The following HAUS7 variants were observed in gnomAD, a reference collection of about 807,000 sequenced individuals.
The protein encoded by HAUS7 is HAUS augmin like complex subunit 7.
HAUS7 carries 3 observed loss-of-function variants against 28.4 expected under a neutral mutation model. That is an observed-to-expected ratio of 0.11 (90% CI 0.05 to 0.27). The LOEUF (loss-of-function observed/expected upper bound fraction) is 0.27. Ranked by LOEUF, HAUS7 falls within the 10% of genes least tolerant of loss-of-function variation. The pLI is 1.00. For missense variants in HAUS7, 284 were observed against 297.3 expected, an observed-to-expected ratio of 0.96 and a Z score of 0.33; for synonymous variants, 165 against 132.1, an observed-to-expected ratio of 1.25 and a Z score of -1.71.
At chrX:153,474,334 G>A (rs1000481498), upstream of HAUS7, among the ~76,000 whole-genome samples, 3 of 111,814 alleles carry the variant, frequency 2.7e-5, no homozygotes, top group Non-Finnish European at 5.7e-5. Context: ...GCCCCATCCT[G>A]CCCCCAGGCC....
intron 2 of HAUS7, among the ~76,000 whole-genome samples, chrX:153,467,377 C>T (rs1273627027): frequency 9.0e-6 from 1 of 111,671 alleles, no homozygotes; most frequent in Non-Finnish European, 1.9e-5. Context: ...AATCTCAGCA[C>T]GTCGCTCCCC....
chrX:153,456,198 G>T, intron 7 of HAUS7, 67 bp downstream of exon 7: 1 of 850,704 alleles, frequency 1.2e-6, no homozygotes, highest in Non-Finnish European at 1.7e-6. Context: ...AGCCTCACGT[G>T]CTGAGGGAGG....
chrX:153,484,820 C>A (rs1460624198), intron 1 of HAUS7, among the ~76,000 whole-genome samples: 1 of 113,198 alleles, frequency 8.8e-6, no homozygotes, highest in African/African-American at 3.2e-5. Context: ...GCCAGTCAAG[C>A]CCCAGCTGCC....
rs782514399 is a variant in HAUS7 at position 153,455,782 on chromosome X, C to CAGA, written c.706-19_706-17dup. The CAGA allele has an allele frequency of 3.0e-5, 33 of 1,093,947 alleles. No individual in the cohort carries two copies. Among genetic ancestry groups the CAGA allele is most frequent in the Non-Finnish European group, 4.0e-5 (32 of 795,854 alleles). The allele number at this position is 1,093,947 out of a possible 1,213,427, so 90.2% of individuals were successfully genotyped here. ...GTGCAAAGTACTGCAAAGCCAGAGG[C>CAGA]AGAGTCCCTTGAGGCTGCCCTGCCC... On this transcript the variant is annotated splice_polypyrimidine_tract_variant and intron_variant, in intron 7 of 9. Coordinates refer to ENST00000370211, the MANE Select transcript of HAUS7 (RefSeq NM_001385482.1).
At chrX:153,450,016 G>A (rs145190270) in intron 9 of HAUS7, among the ~76,000 whole-genome samples, 1,123 of 112,110 alleles carry the variant, frequency 0.01, 15 homozygotes, top group African/African-American at 0.035. Context: ...GCTCATCCAG[G>A]GCTTCCTTCT....
rs782558825 is a variant in HAUS7 at position 153,455,715 on chromosome X, T to C, written c.757A>G (p.Thr253Ala). The C allele has an allele frequency of 8.3e-7, 1 of 1,202,673 alleles. No individual in the cohort carries two copies. Among genetic ancestry groups the C allele is most frequent in the Admixed American group, 2.2e-5 (1 of 45,909 alleles). The stretch of plus-strand genomic sequence containing the variant: ...ACCAGACGCAGCTTCTGGTCTAGGG[T>C]GCTGATGTCGGCTGCGCCCGCAGCA... ...GAAAGAADIS[T>A]LDQKLRLVTS... is the part of the protein sequence containing the mutation. Residue 253 changes from threonine to alanine, a missense_variant, in exon 8 of 10, where the codon ACC (threonine) becomes GCC (alanine). Thr to Ala is a moderately conservative substitution (Grantham distance 58). Coordinates refer to ENST00000370211, the MANE Select transcript of HAUS7 (RefSeq NM_001385482.1).
intron 2 of HAUS7, among the ~76,000 whole-genome samples, chrX:153,468,500 A>G: frequency 8.9e-6 from 1 of 112,394 alleles, no homozygotes; most frequent in Non-Finnish European, 1.9e-5. Context: ...TCACCAGGGG[A>G]AGGATGTCTG....
At chrX:153,450,316 C>G (rs1036383014) in intron 9 of HAUS7, among the ~76,000 whole-genome samples, 4 of 112,527 alleles carry the variant, frequency 3.6e-5, no homozygotes, top group African/African-American at 9.7e-5. Context: ...AGCTTGGGAG[C>G]TGGTTTGCTT....
At chrX:153,453,555 G>A (rs2089263805) in intron 9 of HAUS7, among the ~76,000 whole-genome samples, 1 of 108,421 alleles carries the variant, frequency 9.2e-6, no homozygotes, top group Admixed American at 9.8e-5. Flanking sequence ...TGGTATTAGT[G>A]CAGGGATAGC....
chrX:153,481,664 G>A (rs1556987336), intron 1 of HAUS7: 6 of 753,496 alleles, frequency 8.0e-6, no homozygotes, highest in Non-Finnish European at 9.4e-6. Flanking sequence ...TGGCCTCCTC[G>A]CCCCACACCC....
At position 153,459,706 on chromosome X, in the gene HAUS7, T is replaced by C. The variant is rs189863751; in HGVS notation, c.355-2478A>G. ...GGCACAAGATAAGGAAATACATATA[T>C]ATCCCTTAATGTAAAAATATATGCG... is the stretch of plus-strand genomic sequence containing the variant. On this transcript the variant is annotated intron_variant, in intron 4 of 9. Coordinates refer to ENST00000370211, the MANE Select transcript of HAUS7 (RefSeq NM_001385482.1). Among the ~76,000 whole-genome samples the C allele has an allele frequency of 3.7e-4, 42 of 112,296 alleles. 1 individual carries two copies. In the East Asian group the frequency reaches 0.011, roughly 30 times the overall value.
In HAUS7 at chrX:153,454,463, C is replaced by T. The variant is rs146845946; in HGVS notation, c.976G>A (p.Val326Met). Residue 326 changes from valine (V) to methionine (M), a missense_variant, in exon 9 of 10, where the codon GTG becomes ATG. Transcript: ENST00000370211. ...MAVADTSAKA[V>M]ETVKKQQGEQ... ...CCTTGCTGCTTCTTCACGGTCTCCA[C>T]GGCCTTCGCAGAGGTGTCAGCAACT... 6.8e-4 allele frequency: 774 copies of T among 1,131,382 alleles called. No homozygotes were observed. Among genetic ancestry groups the T allele is most frequent in the African/African-American group, 2.2e-3 (111 of 51,337 alleles). 93.2% of individuals were successfully genotyped at this position (1,131,382 alleles called of 1,213,427 possible).
upstream of HAUS7, among the ~76,000 whole-genome samples, chrX:153,473,828 C>T (rs1286900461): frequency 9.1e-6 from 1 of 109,295 alleles, no homozygotes; most frequent in East Asian, 3.1e-4. Flanking sequence ...TTCTCCTCAT[C>T]TCCTCCCTGT....
chrX:153,486,801 G>A (rs1415011674), intron 1 of HAUS7: 2 of 982,727 alleles, frequency 2.0e-6, no homozygotes, highest in Non-Finnish European at 2.6e-6. Flanking sequence ...GGGGGGAGGA[G>A]GGCTCCTAGT....
In HAUS7 at chrX:153,481,520, C is replaced by T. The variant is rs7891799; in HGVS notation, c.-588-10375G>A. On this transcript the variant is annotated intron_variant, in intron 1 of 5. Transcript: ENST00000370210. ...CACAGGCACGCAGACCTGGGCACCA[C>T]CCAGCAGGCCATGCCCTCTCTGCCG... 595 of 755,243 alleles carry T rather than the reference C, an allele frequency of 7.9e-4. 1 individual carries two copies. In the African/African-American group the frequency reaches 0.013, roughly 16 times the overall value. The allele number at this position is 755,243 out of a possible 1,213,427, so 62.2% of individuals were successfully genotyped here.
chrX:153,483,591 G>T (rs1280412468), intron 1 of HAUS7: 15 of 452,674 alleles, frequency 3.3e-5, no homozygotes, highest in Middle Eastern at 1.3e-3. Flanking sequence ...GAGGCAGGGG[G>T]CTCCAGGGGA....
intron 3 of HAUS7, among the ~76,000 whole-genome samples, chrX:153,464,084 A>G (rs1205396561): frequency 3.6e-5 from 4 of 112,151 alleles, no homozygotes; most frequent in African/African-American, 1.3e-4. Context: ...CTCACACCCT[A>G]CTGGTCCTGG....
chrX:153,448,008 A>G (rs1004497678), intron 9 of HAUS7, 99 bp from the exon 10 acceptor site: 2 of 651,162 alleles, frequency 3.1e-6, no homozygotes, highest in East Asian at 3.2e-5. Context: ...ATCTAGAACT[A>G]GAAATACCAT....
chrX:153,466,048 T>C (rs889763399), intron 2 of HAUS7, among the ~76,000 whole-genome samples: 1 of 112,813 alleles, frequency 8.9e-6, no homozygotes, highest in East Asian at 2.8e-4. Flanking sequence ...GGCTGGTGGC[T>C]GTTCCCTGGA....
Sources: gnomAD v4.1 joint callset for allele counts (sites outside exome capture counted in the v4.1 genomes callset) on GRCh38, gnomAD v4.1.1 for gene constraint, MANE v1.5 for transcripts, NCBI Gene and HGNC (gene_info 2026-07-23, HGNC 2026-07-21) for gene names.